The following CTDP1 variants were observed in gnomAD, a reference collection of about 807,000 sequenced individuals.
CTDP1 encodes RNA polymerase II subunit A C-terminal domain phosphatase.
A neutral mutation model predicts 91.8 loss-of-function variants in CTDP1; 47 were observed. That is an observed-to-expected ratio of 0.51 (90% CI 0.41 to 0.65). The LOEUF (loss-of-function observed/expected upper bound fraction) is 0.65, where lower values mean the gene tolerates loss of function less well. CTDP1 is among the 30% of genes least tolerant of loss of function. CTDP1 has a pLI of 0.00. For synonymous variants in CTDP1, 656 were observed against 598.5 expected (o/e 1.10, Z -1.40); for missense variants, 1,272 against 1,373.7 (o/e 0.93, Z 1.17).
intron 4 of CTDP1, among the ~76,000 whole-genome samples, chr18:79,703,985 G>A (rs1474730481): frequency 1.3e-5 from 2 of 152,104 alleles, no homozygotes; most frequent in Non-Finnish European, 2.9e-5. Flanking sequence ...TAGTGTAGCT[G>A]TCATCGGTGG....
chr18:79,727,081 G>A (rs1320491609), intron 10 of CTDP1, among the ~76,000 whole-genome samples: 5 of 152,100 alleles, frequency 3.3e-5, no homozygotes, highest in African/African-American at 7.2e-5. Flanking sequence ...ACCTTCCCGC[G>A]TGGGTGTGTG....
chr18:79,753,577 C>T, intron 12 of CTDP1, 75 bp from the exon 13 acceptor site: 1 of 1,611,736 alleles, frequency 6.2e-7, no homozygotes, highest in Non-Finnish European at 8.5e-7. Flanking sequence ...AGCCACTTCC[C>T]AAATGCAGAC....
intron 12 of CTDP1, among the ~76,000 whole-genome samples, chr18:79,737,408 A>G (rs910384304): frequency 5.9e-5 from 9 of 152,054 alleles, no homozygotes; most frequent in African/African-American, 2.2e-4. Context: ...GTAAATTAAG[A>G]TTTATTTTTT....
intron 4 of CTDP1, among the ~76,000 whole-genome samples, chr18:79,699,621 A>G (rs909361150): frequency 6.6e-6 from 1 of 151,752 alleles, no homozygotes; most frequent in African/African-American, 2.4e-5. Context: ...GGATGTAAGG[A>G]CTTTATGAAA....
At chr18:79,730,646 G>C (rs1374231606) in intron 11 of CTDP1, among the ~76,000 whole-genome samples, 1 of 152,258 alleles carries the variant, frequency 6.6e-6, no homozygotes, top group African/African-American at 2.4e-5. Flanking sequence ...GTGCATGGGA[G>C]AGAGGCCAGA....
chr18:79,742,819 A>G (rs1034341920), intron 12 of CTDP1, among the ~76,000 whole-genome samples: 1 of 152,166 alleles, frequency 6.6e-6, no homozygotes, highest in Non-Finnish European at 1.5e-5. Context: ...TTAGCTGGGC[A>G]TGGTGGTGCA....
chr18:79,728,965 G>A lies in CTDP1; in HGVS notation c.2476G>A (p.Gly826Arg), dbSNP rs762525546. The change falls in exon 11 of 13, where the codon GGA becomes AGA. Residue 826 changes from glycine (G) to arginine (R), a missense_variant. Coordinates refer to ENST00000613122, the MANE Select transcript of CTDP1 (RefSeq NM_004715.5). The stretch of plus-strand genomic sequence containing the variant: ...TGAAGAGCTGCCTGACGCTCAGGAC[G>A]GAGAGCAGCCTGGCCCTTCTAGAAG... ...FGEELPDAQD[G>R]EQPGPSRRKR... 1.5e-5 allele frequency: 24 copies of A among 1,614,068 alleles called. No homozygotes were observed. Among genetic ancestry groups the A allele is most frequent in the African/African-American group, 6.7e-5 (5 of 74,946 alleles).
At chr18:79,691,505 T>TG (rs1384970995) in intron 1 of CTDP1, among the ~76,000 whole-genome samples, 11 of 121,376 alleles carry the variant, frequency 9.1e-5, no homozygotes, top group Non-Finnish European at 1.2e-4. Flanking sequence ...GGACTCGGGG[T>TG]GGGGAGGAGT....
intron 1 of CTDP1, among the ~76,000 whole-genome samples, chr18:79,693,273 T>TC (rs1443530338): frequency 2.0e-5 from 3 of 152,184 alleles, no homozygotes; most frequent in African/African-American, 7.2e-5. Context: ...TTGTTTTTTT[T>TC]CAGAGATTGG....
At position 79,690,322 on chromosome 18, in the gene CTDP1, T is replaced by C. The variant is rs572620257; in HGVS notation, c.315-4903T>C. On this transcript the variant is annotated intron_variant, in intron 1 of 12. Coordinates refer to ENST00000613122, the MANE Select transcript of CTDP1 (RefSeq NM_004715.5). ...CAGAGTTTGGTACTTACTATACTTG[T>C]GTATTTTGAGGCAAATAACTTGTTT... 2.0e-5 allele frequency among the ~76,000 whole-genome samples: 3 copies of C among 152,374 alleles called. No homozygotes were observed. The East Asian group carries it at 5.8e-4, about 29-fold the overall frequency.
In CTDP1 at chr18:79,680,100, G is replaced by C. The variant is rs751687521; in HGVS notation, c.153G>C (p.Val51=). 1.6e-5 allele frequency: 22 copies of C among 1,412,798 alleles called. 1 individual carries two copies. The Admixed American group carries it at 5.2e-4, about 34-fold the overall frequency. 87.5% of individuals were successfully genotyped at this position (1,412,798 alleles called of 1,614,324 possible). A position where few individuals can be genotyped will look rare whatever the true frequency, so the allele number is the denominator to read the frequency against. The part of the protein sequence containing the change: ...AAVRIGSVLA[V]FEAAASAQSS... ...TGCGCATCGGCTCGGTGCTGGCCGT[G>C]TTCGAGGCCGCCGCCTCCGCGCAGT... Residue 51 remains valine (V), a synonymous_variant, in exon 1 of 13, where the codon GTG becomes GTC. Transcript: ENST00000613122.
At chr18:79,731,843 A>C (rs1157418247) in intron 11 of CTDP1, among the ~76,000 whole-genome samples, 1 of 152,248 alleles carries the variant, frequency 6.6e-6, no homozygotes, top group Admixed American at 6.5e-5. Context: ...GGCCACCATC[A>C]CCAGGAGTGC....
upstream of CTDP1, among the ~76,000 whole-genome samples, chr18:79,677,060 C>T (rs1419068234): frequency 1.3e-5 from 2 of 152,212 alleles, no homozygotes; most frequent in Non-Finnish European, 1.5e-5. Context: ...ACATAACACA[C>T]GGTTCTTCCC....
At chr18:79,693,212 G>A (rs2085659933) in intron 1 of CTDP1, among the ~76,000 whole-genome samples, 1 of 152,142 alleles carries the variant, frequency 6.6e-6, no homozygotes, top group Admixed American at 6.5e-5. Context: ...GTGGTGACCG[G>A]GAGGGAGGAT....
At chr18:79,733,275 C>T (rs1034983370) in intron 11 of CTDP1, among the ~76,000 whole-genome samples, 1 of 151,912 alleles carries the variant, frequency 6.6e-6, no homozygotes, top group African/African-American at 2.4e-5. Flanking sequence ...AGCCTCGGCA[C>T]AGGACGGGTG....
At chr18:79,712,836 C>A in intron 6 of CTDP1, 136 bp from the exon 7 acceptor site, 5 of 837,892 alleles carry the variant, frequency 6.0e-6, no homozygotes, top group Non-Finnish European at 5.8e-6. Context: ...GGCTTCGGGG[C>A]GGTTGGTGTC....
rs2086292905 is a variant in CTDP1, at chr18:79,719,626, C to T, written c.2417+1610C>T. Among the ~76,000 whole-genome samples, 7 of 151,686 alleles carry T rather than the reference C, an allele frequency of 4.6e-5. No homozygotes were observed. In the South Asian group the frequency reaches 1.5e-3, roughly 32 times the overall value. On this transcript the variant is annotated intron_variant, in intron 10 of 12. Transcript: ENST00000613122. ...GAAGGCGTCCTGGTGATGATGTCAC[C>T]TCCCATTAGGAAGGCGTCCTGGTGT...
Position 79,704,627 on chromosome 18 carries a change from G to T in CTDP1, c.622-140G>T, listed in dbSNP as rs962178488. ...GCACCCGTGTGTCTTCAGGACGCCT[G>T]TCGGGCACACGCGTGTCTTCAGAAC... On this transcript the variant is annotated intron_variant, in intron 4 of 12. Transcript: ENST00000613122. 4 of 1,130,140 alleles carry T rather than the reference G, an allele frequency of 3.5e-6. No homozygotes were observed. The African/African-American group carries it at 6.1e-5, about 17-fold the overall frequency. The allele number at this position is 1,130,140 out of a possible 1,614,324, so 70.0% of individuals were successfully genotyped here. A position where few individuals can be genotyped will look rare whatever the true frequency, so the allele number is the denominator to read the frequency against.
intron 12 of CTDP1, among the ~76,000 whole-genome samples, chr18:79,739,460 AAACCACGCAAGCACGATTAGAG>A (rs1255355748): frequency 1.3e-5 from 2 of 151,640 alleles, no homozygotes; most frequent in African/African-American, 4.9e-5. Flanking sequence ...CTCACGGGTG[AAACCACGCAAGCACGATTAGAG>A]AACCACGCAA....
Sources: gnomAD v4.1 joint callset for allele counts (sites outside exome capture counted in the v4.1 genomes callset) on GRCh38, gnomAD v4.1.1 for gene constraint, MANE v1.5 for transcripts, NCBI Gene and HGNC (gene_info 2026-07-23, HGNC 2026-07-21) for gene names.